The following NR6A1 variants were observed in gnomAD, a reference collection of about 807,000 sequenced individuals.
NR6A1 encodes nuclear receptor subfamily 6 group A member 1.
A neutral mutation model predicts 59.1 loss-of-function variants in NR6A1; 7 were observed. The observed-to-expected ratio is 0.12, with a 90% confidence interval of 0.07 to 0.22. NR6A1 has a LOEUF of 0.22. NR6A1 is among the 10% of genes least tolerant of loss of function. The pLI is 1.00. For missense variants in NR6A1, 468 were observed against 611.6 expected (o/e 0.77, Z 2.48); for synonymous variants, 243 against 236.1 (o/e 1.03, Z -0.27).
chr9:124,728,637 AAAATAAATAAAT>A (rs57250774), intron 2 of NR6A1, among the ~76,000 whole-genome samples: 15 of 144,944 alleles, frequency 1.0e-4, no homozygotes, highest in South Asian at 2.2e-4. Flanking sequence ...TCCGCCTCAA[AAAATAAATAAAT>A]AAATAAATAA....
chr9:124,537,773 T>A (rs17225622), intron 6 of NR6A1, among the ~76,000 whole-genome samples: 1,884 of 152,148 alleles, frequency 0.012, 19 homozygotes, highest in Admixed American at 0.021. Flanking sequence ...ATTCCCAGAA[T>A]TACTGCTCAT....
chr9:124,766,220 G>A (rs906173487), intron 1 of NR6A1, among the ~76,000 whole-genome samples: 10 of 152,084 alleles, frequency 6.6e-5, no homozygotes, highest in Non-Finnish European at 1.0e-4. Flanking sequence ...CCTAGTTATC[G>A]AAGGCATCCA....
intron 2 of NR6A1, among the ~76,000 whole-genome samples, chr9:124,646,566 G>A (rs1034791030): frequency 1.3e-5 from 2 of 152,148 alleles, no homozygotes; most frequent in African/African-American, 4.8e-5. Context: ...GATCAGAGGT[G>A]TCCAATCTTT....
chr9:124,585,230 C>T (rs1290558686), intron 2 of NR6A1, among the ~76,000 whole-genome samples: 1 of 152,092 alleles, frequency 6.6e-6, no homozygotes, highest in African/African-American at 2.4e-5. Context: ...AGGAAATAAG[C>T]TGTCTCCATT....
At chr9:124,759,347 T>C (rs1247856560) in intron 1 of NR6A1, among the ~76,000 whole-genome samples, 2 of 152,208 alleles carry the variant, frequency 1.3e-5, no homozygotes, top group Non-Finnish European at 2.9e-5. Context: ...TCTAGTCACT[T>C]TAAATTACAG....
At chr9:124,577,744 G>C (rs779043614) in intron 2 of NR6A1, among the ~76,000 whole-genome samples, 9 of 152,098 alleles carry the variant, frequency 5.9e-5, no homozygotes, top group Non-Finnish European at 1.3e-4. Context: ...TTCTATTCTC[G>C]TAAATTGATG....
chr9:124,687,283 G>A (rs1269376744), intron 2 of NR6A1, among the ~76,000 whole-genome samples: 3 of 65,478 alleles, frequency 4.6e-5, no homozygotes, highest in African/African-American at 4.1e-4. Context: ...ACCACAGCCA[G>A]CTAATTAATT....
intron 1 of NR6A1, among the ~76,000 whole-genome samples, chr9:124,751,337 T>C (rs934830516): frequency 3.3e-5 from 5 of 152,194 alleles, no homozygotes; most frequent in African/African-American, 1.2e-4. Flanking sequence ...CAACATATCC[T>C]CTAAGAACGA....
In NR6A1 at chr9:124,733,288, G is replaced by A; in HGVS notation, c.142+20C>T. The A allele has an allele frequency of 6.3e-7, 1 of 1,579,848 alleles. No individual in the cohort carries two copies. The highest frequency in any genetic ancestry group is 8.7e-7 in the Non-Finnish European group (1 of 1,149,014). On this transcript the variant is annotated intron_variant, in intron 2 of 9. Transcript: ENST00000487099. Reference sequence around the variant, plus strand: ...CATCCTTTTCTTACCAAAGAATATTGGGTAACATTGAGAACTTACTAGTGC... The same window carrying A: ...CATCCTTTTCTTACCAAAGAATATTAGGTAACATTGAGAACTTACTAGTGC...
At position 124,599,033 on chromosome 9, in the gene NR6A1, A is replaced by G; in HGVS notation, c.143-44463T>C. On this transcript the variant is annotated intron_variant, in intron 2 of 9. Coordinates refer to ENST00000487099, the MANE Select transcript of NR6A1 (RefSeq NM_033334.4). ...CAGGGTCTTGTCCCTCCTCATGAGG[A>G]GGCGGGTGGTCCCCTTCTCCTTGTG... is the stretch of plus-strand genomic sequence containing the variant. 5.4e-6 allele frequency: 4 copies of G among 739,724 alleles called. No individual in the cohort carries two copies. The East Asian group carries it at 1.0e-4, about 19-fold the overall frequency. 45.8% of individuals were successfully genotyped at this position (739,724 alleles called of 1,614,324 possible). A position where few individuals can be genotyped will look rare whatever the true frequency, so the allele number is the denominator to read the frequency against.
Position 124,558,972 on chromosome 9 carries a change from A to C in NR6A1, c.143-4402T>G, listed in dbSNP as rs377289681. Among the ~76,000 whole-genome samples, 25 of 152,326 alleles carry C rather than the reference A, an allele frequency of 1.6e-4. No individual in the cohort carries two copies. The East Asian group carries it at 3.1e-3, about 19-fold the overall frequency. ...TCCTATTGCAAAGGATTTGAAGTGTATAAGTGTATTTATAGCATGTTTACA... is the reference window on the plus strand; with the variant it reads ...TCCTATTGCAAAGGATTTGAAGTGTCTAAGTGTATTTATAGCATGTTTACA... On this transcript the variant is annotated intron_variant, in intron 2 of 9. Coordinates refer to ENST00000487099, the MANE Select transcript of NR6A1 (RefSeq NM_033334.4).
intron 2 of NR6A1, among the ~76,000 whole-genome samples, chr9:124,650,374 TA>T (rs889333183): frequency 4.0e-5 from 6 of 150,924 alleles, no homozygotes; most frequent in African/African-American, 1.2e-4. Flanking sequence ...CATGGGAGCT[TA>T]AAAAAAAACA....
chr9:124,748,725 C>T lies in NR6A1; in HGVS notation c.101-15376G>A, dbSNP rs559136814. On this transcript the variant is annotated intron_variant, in intron 1 of 9. Coordinates refer to ENST00000487099, the MANE Select transcript of NR6A1 (RefSeq NM_033334.4). ...AATACAAAAAAAAAAATTAGCCAGG[C>T]GCGGTGGCAGGCGCCTGTAGTCCCA... 3.3e-3 allele frequency among the ~76,000 whole-genome samples: 496 copies of T among 151,896 alleles called. 10 individuals carry two copies. Among genetic ancestry groups the T allele is most frequent in the Non-Finnish European group, 1.0e-3 (69 of 67,944 alleles).
chr9:124,708,727 C>A (rs909842883), intron 2 of NR6A1, among the ~76,000 whole-genome samples: 3 of 152,114 alleles, frequency 2.0e-5, no homozygotes, highest in African/African-American at 7.2e-5. Flanking sequence ...CTGGACAAGC[C>A]CCAGGGCCAA....
chr9:124,679,550 T>C (rs74857626), intron 2 of NR6A1, among the ~76,000 whole-genome samples: 1,672 of 152,218 alleles, frequency 0.011, 28 homozygotes, highest in African/African-American at 0.038. Context: ...CAGTATAACA[T>C]TAGCAGTATA....
At chr9:124,544,800 A>G (rs1439187734) in intron 3 of NR6A1, among the ~76,000 whole-genome samples, 6 of 152,228 alleles carry the variant, frequency 3.9e-5, no homozygotes, top group Non-Finnish European at 8.8e-5. Flanking sequence ...CTTGAATGCC[A>G]GACTAGGGTA....
intron 3 of NR6A1, among the ~76,000 whole-genome samples, chr9:124,553,238 T>C (rs1020070601): frequency 6.6e-6 from 1 of 152,198 alleles, no homozygotes; most frequent in Non-Finnish European, 1.5e-5. Context: ...CCACTCTCCA[T>C]GGGAATACCA....
chr9:124,732,732 T>C (rs367697426), intron 2 of NR6A1, among the ~76,000 whole-genome samples: 80 of 151,982 alleles, frequency 5.3e-4, no homozygotes, highest in African/African-American at 1.9e-3. Flanking sequence ...GTTTTGCTCT[T>C]GTCACCCAGG....
chr9:124,587,195 A>G (rs1356518784), intron 2 of NR6A1, among the ~76,000 whole-genome samples: 2 of 152,204 alleles, frequency 1.3e-5, no homozygotes, highest in African/African-American at 4.8e-5. Context: ...TTTTTAAGTT[A>G]AGGTATGTAG....
Sources: gnomAD v4.1 joint callset for allele counts (sites outside exome capture counted in the v4.1 genomes callset) on GRCh38, gnomAD v4.1.1 for gene constraint, MANE v1.5 for transcripts, NCBI Gene and HGNC (gene_info 2026-07-23, HGNC 2026-07-21) for gene names.